The following LRRN3 variants were observed in gnomAD, a reference collection of about 807,000 sequenced individuals.
LRRN3 encodes leucine rich repeat neuronal 3, also known as leucine-rich repeat neuronal protein 3.
Under a neutral mutation model 40.1 loss-of-function variants are expected in LRRN3, and 15 were observed. The ratio of observed to expected loss-of-function variants is 0.37; its 90% CI spans 0.25 to 0.58. LRRN3 has a LOEUF of 0.58. Among genes scored for constraint, LRRN3 ranks in the 20% least tolerant of loss-of-function variants. The pLI, the probability that LRRN3 is intolerant of heterozygous loss-of-function variation, is 0.72. For missense variants in LRRN3, 746 were observed against 837.7 expected, an observed-to-expected ratio of 0.89 and a Z score of 1.35; for synonymous variants, 308 against 297.2, an observed-to-expected ratio of 1.04 and a Z score of -0.37.
At chr7:111,121,175 T>C (rs1417125557) in intron 2 of LRRN3, among the ~76,000 whole-genome samples, 1 of 152,216 alleles carries the variant, frequency 6.6e-6, no homozygotes. Flanking sequence ...ATCAAGGACA[T>C]ATCCTTCGCC....
Position 111,122,679 on chromosome 7 carries a change from A to T in LRRN3, c.-94A>T. The T allele has an allele frequency of 1.0e-6, 1 of 975,196 alleles. No homozygotes were observed. Among genetic ancestry groups the T allele is most frequent in the Non-Finnish European group, 1.5e-6 (1 of 645,520 alleles). 60.4% of individuals were successfully genotyped at this position (975,196 alleles called of 1,614,324 possible). On this transcript the variant is annotated 5_prime_UTR_variant, in exon 3 of 3. In the 5' UTR this introduces an upstream ATG that the reference lacks. Coordinates refer to ENST00000308478, the MANE Select transcript of LRRN3 (RefSeq NM_001099658.2). ...TGGCATTCATCATTTGACAAATGCA[A>T]GCATCTTCCTTATCAATCAGCTCCT...
At chr7:111,104,108 T>G (rs1798276654) in intron 2 of LRRN3, among the ~76,000 whole-genome samples, 1 of 151,750 alleles carries the variant, frequency 6.6e-6, no homozygotes, top group African/African-American at 2.4e-5. Context: ...AGTTTGGGCC[T>G]ATATTCAGGC....
intron 1 of LRRN3, among the ~76,000 whole-genome samples, chr7:111,098,894 A>C (rs1020185921): frequency 6.6e-6 from 1 of 151,764 alleles, no homozygotes; most frequent in African/African-American, 2.4e-5. Flanking sequence ...TCCAAGAGTC[A>C]GATTCTCTAT....
intron 2 of LRRN3, among the ~76,000 whole-genome samples, chr7:111,109,096 A>G (rs984271576): frequency 2.6e-5 from 4 of 152,192 alleles, no homozygotes; most frequent in African/African-American, 9.6e-5. Flanking sequence ...GAATGACTTT[A>G]GGGGATATTT....
intron 2 of LRRN3, among the ~76,000 whole-genome samples, chr7:111,119,668 A>G (rs1800346687): frequency 6.6e-6 from 1 of 152,228 alleles, no homozygotes; most frequent in Non-Finnish European, 1.5e-5. Context: ...GTAACATGTA[A>G]AAGGATGCAT....
At position 111,123,524 on chromosome 7, in the gene LRRN3, T is replaced by C; in HGVS notation, c.752T>C (p.Val251Ala). Residue 251 changes from valine (V) to alanine (A), a missense_variant, in exon 3 of 3, where the codon GTA becomes GCA. Coordinates refer to ENST00000308478, the MANE Select transcript of LRRN3 (RefSeq NM_001099658.2). The surrounding 1 kb of genome is among the most constrained non-coding windows in gnomAD (Gnocchi z 6.4). ...ISFYDNRLIK[V>A]PHVALQKVVN... The stretch of plus-strand genomic sequence containing the variant: ...TTTTACGATAACAGGCTTATTAAAG[T>C]ACCCCATGTTGCTCTTCAAAAAGTT... The C allele has an allele frequency of 3.1e-6, 5 of 1,613,912 alleles. No homozygotes were observed. Among genetic ancestry groups the C allele is most frequent in the Non-Finnish European group, 4.2e-6 (5 of 1,179,928 alleles).
chr7:111,121,388 T>C (rs1800593391), intron 2 of LRRN3, among the ~76,000 whole-genome samples: 1 of 152,218 alleles, frequency 6.6e-6, no homozygotes, highest in African/African-American at 2.4e-5. Context: ...ATTTTGGCTT[T>C]TGTTGCCATT....
intron 2 of LRRN3, among the ~76,000 whole-genome samples, chr7:111,119,666 T>C (rs1055793367): frequency 1.3e-5 from 2 of 152,212 alleles, no homozygotes; most frequent in Admixed American, 1.3e-4. Flanking sequence ...AAGTAACATG[T>C]AAAAGGATGC....
intron 2 of LRRN3, among the ~76,000 whole-genome samples, chr7:111,114,536 G>A (rs185823829): frequency 8.8e-4 from 134 of 152,120 alleles, no homozygotes; most frequent in African/African-American, 3.2e-3. Flanking sequence ...AGGAGTTTGA[G>A]ACCAGCCTGG....
intron 2 of LRRN3, among the ~76,000 whole-genome samples, chr7:111,110,524 T>G (rs1799079188): frequency 6.6e-6 from 1 of 152,158 alleles, no homozygotes; most frequent in African/African-American, 2.4e-5. Flanking sequence ...GTTTTATTCG[T>G]TTTTCAGTTT....
intron 2 of LRRN3, among the ~76,000 whole-genome samples, chr7:111,118,705 A>G (rs756757442): frequency 1.3e-5 from 2 of 152,168 alleles, no homozygotes; most frequent in Admixed American, 1.3e-4. Flanking sequence ...CAAATAGCCC[A>G]TACTAAATAG....
rs1586425429 is a variant in LRRN3 at position 111,122,510 on chromosome 7, T to C, written c.-263T>C. On this transcript the variant is annotated 5_prime_UTR_variant, in exon 3 of 3. Transcript: ENST00000308478. ...TTACTCAATCTCCTATGACCATCTA[T>C]ACATACTCCACCTTCAAAAAGTACA... 2.3e-6 allele frequency: 1 copy of C among 432,560 alleles called. No individual in the cohort carries two copies. The highest frequency in any genetic ancestry group is 4.1e-6 in the Non-Finnish European group (1 of 242,964). The allele number at this position is 432,560 out of a possible 1,614,324, so 26.8% of individuals were successfully genotyped here. A position where few individuals can be genotyped will look rare whatever the true frequency, so the allele number is the denominator to read the frequency against.
At chr7:111,100,040 C>A (rs936063728) in intron 2 of LRRN3, 78 bp downstream of exon 2, 2 of 151,606 alleles carry the variant, frequency 1.3e-5, no homozygotes, top group African/African-American at 4.8e-5. Context: ...GAAGCATTTG[C>A]CCAACTTCAC....
At chr7:111,110,989 T>G (rs575138733) in intron 2 of LRRN3, among the ~76,000 whole-genome samples, 1 of 152,280 alleles carries the variant, frequency 6.6e-6, no homozygotes, top group South Asian at 2.1e-4. Context: ...TATAACATAA[T>G]ATAAAACCAT....
At chr7:111,113,103 A>G (rs1194610659) in intron 2 of LRRN3, among the ~76,000 whole-genome samples, 1 of 152,166 alleles carries the variant, frequency 6.6e-6, no homozygotes, top group Non-Finnish European at 1.5e-5. Flanking sequence ...CCTTCAGAGT[A>G]ATGTTCCCCT....
At position 111,124,908 on chromosome 7, in the gene LRRN3, A is replaced by G. The variant is rs1801119627; in HGVS notation, c.*9A>G. ...CAACAAATATGTCCTAAAAACCACC[A>G]AGGAAACCTACTCCAAAAATGAACA... On this transcript the variant is annotated 3_prime_UTR_variant, in exon 3 of 3. Coordinates refer to ENST00000308478, the MANE Select transcript of LRRN3 (RefSeq NM_001099658.2). 1 of 1,516,686 alleles carries G rather than the reference A, an allele frequency of 6.6e-7. No homozygotes were observed. The allele number at this position is 1,516,686 out of a possible 1,614,324, so 94.0% of individuals were successfully genotyped here.
intron 2 of LRRN3, among the ~76,000 whole-genome samples, chr7:111,108,558 C>T (rs935791839): frequency 1.3e-5 from 2 of 152,068 alleles, no homozygotes; most frequent in Non-Finnish European, 1.5e-5. Flanking sequence ...AGTTTCCTCA[C>T]AACAGATTTA....
Position 111,124,403 on chromosome 7 carries a change from G to C in LRRN3, c.1631G>C (p.Ser544Thr), listed in dbSNP as rs933147352. The C allele has an allele frequency of 5.0e-6, 8 of 1,613,658 alleles. No individual in the cohort carries two copies. Among genetic ancestry groups the C allele is most frequent in the African/African-American group, 2.7e-5 (2 of 74,920 alleles). Residue 544 changes from serine to threonine, a missense_variant, in exon 3 of 3, where the codon AGT becomes ACT. Transcript: ENST00000308478. ...TCAGTTTTGGTGTCCTGGAAAGCAA[G>C]TTCTAAAATTCTCAAATCTAGTGTT... ...ANSVLVSWKA[S>T]SKILKSSVKW...
At chr7:111,106,680 G>C (rs1409877141) in intron 2 of LRRN3, among the ~76,000 whole-genome samples, 1 of 147,852 alleles carries the variant, frequency 6.8e-6, no homozygotes, top group Non-Finnish European at 1.5e-5. Context: ...TAAAGTCTCG[G>C]TGTGTGAAAA....
Sources: allele counts gnomAD v4.1 joint callset (sites outside exome capture counted in the v4.1 genomes callset), GRCh38; gene constraint gnomAD v4.1.1; non-coding constraint Gnocchi (gnomAD v3.1); transcripts MANE v1.5; gene names NCBI Gene and HGNC (gene_info 2026-07-23, HGNC 2026-07-21).